The following DGKH variants were observed in gnomAD, a reference collection of about 807,000 sequenced individuals.
DGKH encodes the protein DAG kinase eta.
Under a neutral mutation model 159.3 loss-of-function variants are expected in DGKH, and 90 were observed. That is an observed-to-expected ratio of 0.57 (90% CI 0.48 to 0.67). DGKH has a LOEUF of 0.67. DGKH is among the 30% of genes least tolerant of loss of function. The pLI is 0.00. For missense variants in DGKH, 1,181 were observed against 1,506.1 expected (o/e 0.78, Z 3.57); for synonymous variants, 536 against 553.8 (o/e 0.97, Z 0.45).
chr13:42,054,705 G>A (rs1233150660), intron 1 of DGKH, among the ~76,000 whole-genome samples: 1 of 152,110 alleles, frequency 6.6e-6, no homozygotes, highest in African/African-American at 2.4e-5. Flanking sequence ...ATAAAGCATT[G>A]TATACTTGAA....
At chr13:42,049,717 C>A (rs1566074620) in intron 1 of DGKH, among the ~76,000 whole-genome samples, 1 of 152,188 alleles carries the variant, frequency 6.6e-6, no homozygotes, top group Non-Finnish European at 1.5e-5. Flanking sequence ...TGAGAAGTTA[C>A]CTCTGTGCTG....
rs769584214 is a variant in DGKH, at chr13:42,231,488, C to A, written c.*2300C>A. ...GCTGTCCTGCTCCTGTGAACACTTT[C>A]CTGTGCAACCAAACAGGAGGTGCCA... On this transcript the variant is annotated 3_prime_UTR_variant, in exon 30 of 30. Transcript: ENST00000337343. 6.6e-6 allele frequency: 1 copy of A among 152,188 alleles called. No individual in the cohort carries two copies. Among genetic ancestry groups the A allele is most frequent in the Non-Finnish European group, 1.5e-5 (1 of 68,034 alleles). 9.4% of individuals were successfully genotyped at this position (152,188 alleles called of 1,614,324 possible).
intron 17 of DGKH, 120 bp downstream of exon 17, chr13:42,195,136 T>C: frequency 7.8e-7 from 1 of 1,284,206 alleles, no homozygotes; most frequent in Non-Finnish European, 1.0e-6. Flanking sequence ...TAGAATGTTC[T>C]TGTTATACTT....
intron 1 of DGKH, among the ~76,000 whole-genome samples, chr13:42,123,291 TA>T (rs898425591): frequency 4.7e-5 from 7 of 148,964 alleles, no homozygotes; most frequent in African/African-American, 1.2e-4. Context: ...TCATATTTTC[TA>T]AAAAAAAAAT....
At chr13:42,243,023 A>C (rs1958543179), downstream of DGKH, 1 of 152,108 alleles carries the variant, frequency 6.6e-6, no homozygotes, top group African/African-American at 2.4e-5. Context: ...CCCTTTACCC[A>C]TTTCCCCTCC....
intron 1 of DGKH, among the ~76,000 whole-genome samples, chr13:42,097,454 T>A (rs1954563819): frequency 6.6e-6 from 1 of 152,186 alleles, no homozygotes; most frequent in Non-Finnish European, 1.5e-5. Context: ...AAACTAGTCA[T>A]TTTGTTGGTA....
intron 3 of DGKH, among the ~76,000 whole-genome samples, chr13:42,148,018 G>C (rs893096818): frequency 1.3e-5 from 2 of 152,132 alleles, no homozygotes; most frequent in Non-Finnish European, 2.9e-5. Context: ...TTGTTCTTAA[G>C]GGGAGAAAAA....
chr13:42,223,209 C>T (rs1958029711), intron 29 of DGKH, among the ~76,000 whole-genome samples: 1 of 152,140 alleles, frequency 6.6e-6, no homozygotes, highest in Non-Finnish European at 1.5e-5. Context: ...GCGGTTGTAG[C>T]TGTCAGCAGC....
intron 1 of DGKH, among the ~76,000 whole-genome samples, chr13:42,089,466 G>A (rs1954372649): frequency 2.0e-5 from 3 of 152,170 alleles, no homozygotes; most frequent in Admixed American, 1.3e-4. Context: ...GAGGTCTGAA[G>A]TCCAGAATGG....
At chr13:42,210,247 T>A (rs1957616916) in intron 23 of DGKH, among the ~76,000 whole-genome samples, 1 of 152,050 alleles carries the variant, frequency 6.6e-6, no homozygotes, top group Non-Finnish European at 1.5e-5. Flanking sequence ...CATAGCTCAC[T>A]GCAACCTTAA....
chr13:42,135,507 A>AAAG (rs71096557), intron 3 of DGKH, among the ~76,000 whole-genome samples: 19 of 113,410 alleles, frequency 1.7e-4, no homozygotes, highest in South Asian at 6.9e-4. Flanking sequence ...AAAAAAAAAA[A>AAAG]AGAGAGAGAG....
chr13:42,068,893 A>T (rs1882771721), intron 1 of DGKH: 1 of 1,019,208 alleles, frequency 9.8e-7, no homozygotes, highest in Non-Finnish European at 1.4e-6. Context: ...GACAAAATAC[A>T]TTTCATAAGA....
chr13:42,247,227 T>A (rs1266504478), downstream of DGKH, among the ~76,000 whole-genome samples: 1 of 129,314 alleles, frequency 7.7e-6, no homozygotes, highest in Admixed American at 1.0e-4. Context: ...ACACTATGTA[T>A]ACTTTTTTTT....
At chr13:42,049,404 T>C (rs574982742) in intron 1 of DGKH, among the ~76,000 whole-genome samples, 8 of 152,342 alleles carry the variant, frequency 5.3e-5, no homozygotes, top group Middle Eastern at 3.4e-3. Flanking sequence ...TTTTCTTCCC[T>C]GCCGTTCGGG....
chr13:42,077,017 A>G (rs1655257524), intron 1 of DGKH, among the ~76,000 whole-genome samples: 1 of 152,078 alleles, frequency 6.6e-6, no homozygotes, highest in African/African-American at 2.4e-5. Context: ...TTTCTTCATC[A>G]CCTTTTATAG....
rs1017814378 is a variant in DGKH at position 42,079,629 on chromosome 13, A to G, written c.192+30664A>G. ...TTTAGGTGTGCTCCCTTGACCTACT[A>G]GGAAAGATGAACTATTCTCACTCAC... is the stretch of plus-strand genomic sequence containing the variant. On this transcript the variant is annotated intron_variant, in intron 1 of 29. Coordinates refer to ENST00000337343, the MANE Select transcript of DGKH (RefSeq NM_178009.5). Among the ~76,000 whole-genome samples, 18 of 152,162 alleles carry G rather than the reference A, an allele frequency of 1.2e-4. 1 individual carries two copies. Among genetic ancestry groups the G allele is most frequent in the South Asian group, 2.1e-4 (1 of 4,822 alleles).
At chr13:42,110,391 A>G (rs1014350098) in intron 1 of DGKH, among the ~76,000 whole-genome samples, 1 of 152,170 alleles carries the variant, frequency 6.6e-6, no homozygotes. Context: ...GTTATTAGTT[A>G]AAAAAACAAA....
intron 26 of DGKH, among the ~76,000 whole-genome samples, chr13:42,216,841 A>G (rs554385186): frequency 6.6e-6 from 1 of 152,236 alleles, no homozygotes; most frequent in Non-Finnish European, 1.5e-5. Flanking sequence ...GTTTTTAACC[A>G]GAATCTTCTG....
intron 1 of DGKH, among the ~76,000 whole-genome samples, chr13:42,098,877 G>A (rs1464776193): frequency 2.0e-5 from 3 of 152,130 alleles, no homozygotes; most frequent in African/African-American, 7.2e-5. Flanking sequence ...TAATATGAAA[G>A]GACACATTCC....
Sources: allele counts gnomAD v4.1 joint callset (sites outside exome capture counted in the v4.1 genomes callset), GRCh38; gene constraint gnomAD v4.1.1; transcripts MANE v1.5; gene names NCBI Gene and HGNC (gene_info 2026-07-23, HGNC 2026-07-21).